Variants in LARGE1 observed in about 807,000 individuals in gnomAD.
LARGE1 encodes LARGE xylosyl- and glucuronyltransferase 1.
Under a neutral mutation model 87.6 loss-of-function variants are expected in LARGE1, and 43 were observed. The ratio of observed to expected loss-of-function variants is 0.49; its 90% CI spans 0.38 to 0.63. The LOEUF is 0.63. LARGE1 is among the 30% of genes least tolerant of loss of function. The pLI, the probability that LARGE1 is intolerant of heterozygous loss-of-function variation, is 0.00. For missense variants in LARGE1, 802 were observed against 1,000.2 expected (o/e 0.80, Z 2.67); for synonymous variants, 434 against 394.6 (o/e 1.10, Z -1.18).
intron 7 of LARGE1, among the ~76,000 whole-genome samples, chr22:33,396,229 C>T (rs887710988): frequency 3.3e-5 from 5 of 152,342 alleles, no homozygotes; most frequent in East Asian, 3.9e-4. Flanking sequence ...CCCTCAGAAT[C>T]GCAACCTTCC....
intron 6 of LARGE1, among the ~76,000 whole-genome samples, chr22:33,543,215 G>GAAAAAAAAA (rs67400207): frequency 6.8e-6 from 1 of 146,130 alleles, no homozygotes; most frequent in African/African-American, 2.6e-5. Flanking sequence ...AAGAAAAAAA[G>GAAAAAAAAA]AAAAAAAAAA....
chr22:33,337,971 T>C (rs892812263), intron 9 of LARGE1, among the ~76,000 whole-genome samples, 170 bp from the exon 10 acceptor site: 2 of 152,174 alleles, frequency 1.3e-5, no homozygotes, highest in African/African-American at 2.4e-5. Flanking sequence ...GGGGGCCAGG[T>C]CACCTGGGAT....
At chr22:33,795,124 C>T (rs774249857) in intron 1 of LARGE1, among the ~76,000 whole-genome samples, 7 of 152,086 alleles carry the variant, frequency 4.6e-5, no homozygotes, top group Non-Finnish European at 7.3e-5. Context: ...ATTCAGTCTC[C>T]GTCTTTGTAA....
At chr22:33,742,136 T>TG (rs2083908034) in intron 2 of LARGE1, among the ~76,000 whole-genome samples, 1 of 152,120 alleles carries the variant, frequency 6.6e-6, no homozygotes, top group Non-Finnish European at 1.5e-5. Context: ...GACAAGACGG[T>TG]GAGCCCTGGA....
At chr22:33,777,866 C>T (rs1442199401) in intron 1 of LARGE1, among the ~76,000 whole-genome samples, 4 of 152,214 alleles carry the variant, frequency 2.6e-5, no homozygotes, top group African/African-American at 2.4e-5. Context: ...AACAGTCATG[C>T]CCCTGTTTTG....
chr22:33,074,440 C>G, the LARGE1 span, among the ~76,000 whole-genome samples: 2 of 152,110 alleles, frequency 1.3e-5, no homozygotes, highest in Admixed American at 6.5e-5. Flanking sequence ...TTTGGGAGGC[C>G]GAGGTGGGCA....
intron 2 of LARGE1, among the ~76,000 whole-genome samples, chr22:33,760,271 C>T (rs1210203331): frequency 2.0e-5 from 3 of 152,138 alleles, no homozygotes; most frequent in African/African-American, 7.2e-5. Flanking sequence ...TCTTCACAGG[C>T]AAAACATTGC....
At chr22:33,898,566 C>G (rs1373313315) in intron 1 of LARGE1, among the ~76,000 whole-genome samples, 2 of 152,292 alleles carry the variant, frequency 1.3e-5, no homozygotes, top group South Asian at 2.1e-4. Context: ...ACCAGCCTGG[C>G]CAACATGGGG....
chr22:33,782,960 T>C (rs2085473784), intron 1 of LARGE1, among the ~76,000 whole-genome samples: 1 of 151,886 alleles, frequency 6.6e-6, no homozygotes, highest in Non-Finnish European at 1.5e-5. Context: ...CCTGAGAAAT[T>C]TCCAGACCGT....
At chr22:33,684,691 C>T (rs533317782) in intron 2 of LARGE1, among the ~76,000 whole-genome samples, 1 of 152,222 alleles carries the variant, frequency 6.6e-6, no homozygotes, top group East Asian at 1.9e-4. Flanking sequence ...GCCAAGCCAG[C>T]CAGGGTGGAG....
At chr22:33,770,857 A>C (rs920026086) in intron 1 of LARGE1, among the ~76,000 whole-genome samples, 2 of 152,118 alleles carry the variant, frequency 1.3e-5, no homozygotes, top group Non-Finnish European at 2.9e-5. Flanking sequence ...TACTCCTCCC[A>C]TTCTTGATAA....
At chr22:33,212,672 C>A (rs559911950) in intron 11 of LARGE1, among the ~76,000 whole-genome samples, 2 of 152,174 alleles carry the variant, frequency 1.3e-5, no homozygotes, top group Admixed American at 6.5e-5. Context: ...TGAATCTGGG[C>A]AAAGTAAATT....
intron 7 of LARGE1, among the ~76,000 whole-genome samples, chr22:33,424,150 A>G (rs1422629118): frequency 6.6e-6 from 1 of 152,192 alleles, no homozygotes; most frequent in Non-Finnish European, 1.5e-5. Context: ...TCATCTCTAG[A>G]CATTGAGATT....
chr22:33,604,334 T>A, intron 5 of LARGE1, 101 bp downstream of exon 5: 4 of 1,485,598 alleles, frequency 2.7e-6, no homozygotes, highest in Non-Finnish European at 3.7e-6. Flanking sequence ...CATTTTCAGT[T>A]AGGAGCTGAG....
intron 1 of LARGE1, among the ~76,000 whole-genome samples, chr22:33,851,293 C>T (rs1380873260): frequency 6.6e-6 from 1 of 152,226 alleles, no homozygotes; most frequent in Non-Finnish European, 1.5e-5. Flanking sequence ...ACTCAAGACC[C>T]CACTGTGTCT....
chr22:33,828,353 G>A (rs2062859432), intron 1 of LARGE1, among the ~76,000 whole-genome samples: 1 of 152,230 alleles, frequency 6.6e-6, no homozygotes, highest in Non-Finnish European at 1.5e-5. Flanking sequence ...AAGGAAGGCA[G>A]ACAGAAAGGC....
intron 1 of LARGE1, among the ~76,000 whole-genome samples, chr22:33,775,118 C>T (rs1327984406): frequency 6.6e-6 from 1 of 152,202 alleles, no homozygotes; most frequent in Non-Finnish European, 1.5e-5. Flanking sequence ...CCTTAATTCA[C>T]TCAACTTTTA....
At chr22:33,115,488 G>T in the LARGE1 span, among the ~76,000 whole-genome samples, 1 of 150,814 alleles carries the variant, frequency 6.6e-6, no homozygotes, top group Non-Finnish European at 1.5e-5. Context: ...GGCCATGAAG[G>T]AGAGGCCCTA....
Position 33,277,358 on chromosome 22 carries a change from G to C in LARGE1, c.1878-103C>G, listed in dbSNP as rs557273311. The C allele has an allele frequency of 6.7e-5, 74 of 1,110,972 alleles. No homozygotes were observed. The African/African-American group carries it at 9.7e-4, about 15-fold the overall frequency. 68.8% of individuals were successfully genotyped at this position (1,110,972 alleles called of 1,614,324 possible). A position where few individuals can be genotyped will look rare whatever the true frequency, so the allele number is the denominator to read the frequency against. Reference sequence around the variant, plus strand: ...AGGGGTGTACACTGATGTAGTCCTCGGGTGAGTTGAACTGTCTCCCTCCCA... The same window carrying C: ...AGGGGTGTACACTGATGTAGTCCTCCGGTGAGTTGAACTGTCTCCCTCCCA... On this transcript the variant is annotated intron_variant, in intron 13 of 14. Coordinates refer to ENST00000397394, the MANE Select transcript of LARGE1 (RefSeq NM_133642.5).
Sources: allele counts gnomAD v4.1 joint callset (sites outside exome capture counted in the v4.1 genomes callset), GRCh38; gene constraint gnomAD v4.1.1; transcripts MANE v1.5; gene names NCBI Gene and HGNC (gene_info 2026-07-23, HGNC 2026-07-21).